NECAP2: variants seen among roughly 807,000 people sequenced by gnomAD.
NECAP2 encodes the protein NECAP endocytosis associated 2.
NECAP2 carries 38 observed loss-of-function variants against 37.8 expected under a neutral mutation model. The ratio of observed to expected loss-of-function variants is 1.01; its 90% CI spans 0.78 to 1.32. NECAP2 has a LOEUF of 1.32. Among genes scored for constraint, NECAP2 ranks in the 40% most tolerant of loss-of-function variants. NECAP2 has a pLI of 0.00. For synonymous variants in NECAP2, 121 were observed against 127.7 expected (o/e 0.95, Z 0.35); for missense variants, 316 against 334.5 (o/e 0.94, Z 0.43).
intron 6 of NECAP2, among the ~76,000 whole-genome samples, chr1:16,455,203 A>T (rs1195462470): frequency 1.3e-5 from 2 of 152,214 alleles, no homozygotes; most frequent in African/African-American, 4.8e-5. Flanking sequence ...GCACTGGGGG[A>T]GGTGCCTGAA....
At chr1:16,448,968 T>C (rs1021152642) in intron 4 of NECAP2, 125 bp from the exon 5 acceptor site, 9 of 645,316 alleles carry the variant, frequency 1.4e-5, no homozygotes, top group African/African-American at 7.3e-5. Flanking sequence ...CTGCACTCTT[T>C]CCAGCACCCC....
chr1:16,441,117 A>T, intron 1 of NECAP2: 1 of 500,994 alleles, frequency 2.0e-6, no homozygotes, highest in East Asian at 3.2e-5. Context: ...GCTGCCGGGT[A>T]CCCTAAACTT....
intron 1 of NECAP2, among the ~76,000 whole-genome samples, chr1:16,442,961 T>C (rs2086709901): frequency 6.6e-6 from 1 of 152,222 alleles, no homozygotes; most frequent in African/African-American, 2.4e-5. Context: ...TGTAGGTTCA[T>C]GGTTTCCTGG....
chr1:16,441,075 A>G (rs2086683975), intron 1 of NECAP2: 3 of 567,850 alleles, frequency 5.3e-6, no homozygotes, highest in Non-Finnish European at 9.5e-6. Context: ...GAGGGCGTTA[A>G]AGCCGTATCT....
intron 1 of NECAP2, 29 bp from the exon 2 acceptor site, chr1:16,443,603 C>G: frequency 2.6e-6 from 4 of 1,551,828 alleles, no homozygotes; most frequent in Non-Finnish European, 3.5e-6. Flanking sequence ...GAGCCTCTGG[C>G]AGAGATTCAG....
intron 6 of NECAP2, among the ~76,000 whole-genome samples, chr1:16,453,939 A>G (rs1339302842): frequency 6.6e-6 from 1 of 152,228 alleles, no homozygotes; most frequent in African/African-American, 2.4e-5. Flanking sequence ...CATGTCAACA[A>G]ACAAAATGGT....
chr1:16,450,453 C>T (rs935764772), intron 5 of NECAP2: 1 of 200,384 alleles, frequency 5.0e-6, no homozygotes, highest in Non-Finnish European at 1.0e-5. Flanking sequence ...GGTCTTTTGA[C>T]TTCAGGGCTG....
intron 6 of NECAP2, among the ~76,000 whole-genome samples, chr1:16,455,307 C>T (rs1332474787): frequency 6.6e-6 from 1 of 152,186 alleles, no homozygotes; most frequent in Non-Finnish European, 1.5e-5. Flanking sequence ...GAATGCTCTT[C>T]CTGACCCCTA....
intron 7 of NECAP2, 123 bp from the exon 8 acceptor site, chr1:16,458,719 G>C (rs2086965649): frequency 7.1e-6 from 7 of 980,332 alleles, no homozygotes; most frequent in Non-Finnish European, 1.1e-5. Context: ...GCTGACTGCT[G>C]CTCTAGAACA....
intron 6 of NECAP2, 49 bp downstream of exon 6, chr1:16,452,064 T>C (rs2086852226): frequency 6.7e-7 from 1 of 1,501,568 alleles, no homozygotes; most frequent in Non-Finnish European, 8.9e-7. Flanking sequence ...CGGCTCCTCT[T>C]CTCCCTGGCA....
Position 16,459,120 on chromosome 1 carries a change from TCCAGGATCCCTGTCC to T in NECAP2, c.*234_*248del, listed in dbSNP as rs1268009368. On this transcript the variant is annotated 3_prime_UTR_variant, in exon 8 of 8. Coordinates refer to ENST00000337132, the MANE Select transcript of NECAP2 (RefSeq NM_018090.5). ...AACCAGAACACAGGAGAAGAAAAGCTCCAGGATCCCTGTCCCCATCTGTCCTCTTGATGTGAGAGA... is the reference window on the plus strand; with the variant it reads ...AACCAGAACACAGGAGAAGAAAAGCTCCATCTGTCCTCTTGATGTGAGAGA... The T allele has an allele frequency of 1.1e-6, 1 of 946,644 alleles. No homozygotes were observed. The highest frequency in any genetic ancestry group is 1.5e-6 in the Non-Finnish European group (1 of 648,224). The allele number at this position is 946,644 out of a possible 1,614,324, so 58.6% of individuals were successfully genotyped here.
chr1:16,455,539 GACTA>G (rs1220648124), intron 6 of NECAP2: 1 of 436,838 alleles, frequency 2.3e-6, no homozygotes, highest in Non-Finnish European at 4.2e-6. Flanking sequence ...GATGACGTGA[GACTA>G]ACCACCCATC....
intron 7 of NECAP2, among the ~76,000 whole-genome samples, chr1:16,456,262 C>T (rs1011815345): frequency 8.6e-5 from 13 of 152,018 alleles, no homozygotes; most frequent in African/African-American, 2.7e-4. Flanking sequence ...TGACCTCAGG[C>T]GATCCACCTG....
chr1:16,454,450 G>T (rs2086890092), intron 6 of NECAP2, among the ~76,000 whole-genome samples: 1 of 151,828 alleles, frequency 6.6e-6, no homozygotes, highest in Non-Finnish European at 1.5e-5. Flanking sequence ...CCGCTTCCTG[G>T]GTTCAAGCAA....
chr1:16,457,557 G>A (rs917386542), intron 7 of NECAP2, among the ~76,000 whole-genome samples: 4 of 152,088 alleles, frequency 2.6e-5, no homozygotes, highest in East Asian at 1.9e-4. Context: ...AGACTGCAGC[G>A]TTGACCCTGA....
Position 16,447,967 on chromosome 1 carries a change from T to C in NECAP2, c.291T>C (p.Asp97=). ...SSRYFVIRIE[D]GNGRRAFIGI... is the part of the protein sequence containing the mutation. ...GGTACTTCGTGATCCGCATCGAAGATGGAAATGGTAGGCATGGGTCCTGGT... is the reference window on the plus strand; with the variant it reads ...GGTACTTCGTGATCCGCATCGAAGACGGAAATGGTAGGCATGGGTCCTGGT... The change falls in exon 3 of 8, where the codon GAT becomes GAC. Residue 97 remains aspartate, a synonymous_variant. Coordinates refer to ENST00000337132, the MANE Select transcript of NECAP2 (RefSeq NM_018090.5). The C allele has an allele frequency of 6.2e-7, 1 of 1,614,190 alleles. No individual in the cohort carries two copies.
chr1:16,444,458 T>G (rs1397766176), intron 2 of NECAP2, among the ~76,000 whole-genome samples: 2 of 152,256 alleles, frequency 1.3e-5, no homozygotes, highest in African/African-American at 2.4e-5. Context: ...GAGAGAGAAC[T>G]GGCTGCCTCT....
intron 1 of NECAP2, among the ~76,000 whole-genome samples, chr1:16,442,502 G>C (rs1048794896): frequency 6.6e-6 from 1 of 152,228 alleles, no homozygotes; most frequent in African/African-American, 2.4e-5. Flanking sequence ...CCTCAAGACA[G>C]CCGCGTCCAG....
intron 1 of NECAP2, among the ~76,000 whole-genome samples, chr1:16,442,567 C>T (rs1047830112): frequency 6.6e-6 from 1 of 152,208 alleles, no homozygotes; most frequent in African/African-American, 2.4e-5. Context: ...GAAACACCTG[C>T]GGTTCTTGCT....
Sources: allele counts gnomAD v4.1 joint callset (sites outside exome capture counted in the v4.1 genomes callset), GRCh38; gene constraint gnomAD v4.1.1; transcripts MANE v1.5; gene names NCBI Gene and HGNC (gene_info 2026-07-23, HGNC 2026-07-21).